Variants in MAP2K5 observed in about 807,000 individuals in gnomAD.
MAP2K5 encodes mitogen-activated protein kinase kinase 5, also known as dual specificity mitogen-activated protein kinase kinase 5.
In MAP2K5, 49 loss-of-function variants were observed where a neutral mutation model predicts 83.1. That is an observed-to-expected ratio of 0.59 (90% CI 0.47 to 0.75). The LOEUF is 0.75. MAP2K5 is among the 30% of genes least tolerant of loss of function. MAP2K5 has a pLI of 0.00. For synonymous variants in MAP2K5, 202 were observed against 191.8 expected (o/e 1.05, Z -0.44); for missense variants, 457 against 557.5 (o/e 0.82, Z 1.82).
At chr15:67,699,660 A>G (rs776963308) in intron 15 of MAP2K5, among the ~76,000 whole-genome samples, 1 of 152,158 alleles carries the variant, frequency 6.6e-6, no homozygotes, top group Non-Finnish European at 1.5e-5. Context: ...AAGGGGAAAA[A>G]CTAGCAAGCA....
At chr15:67,566,088 G>A (rs1232673671) in intron 3 of MAP2K5, among the ~76,000 whole-genome samples, 2 of 152,208 alleles carry the variant, frequency 1.3e-5, no homozygotes, top group Non-Finnish European at 2.9e-5. Flanking sequence ...TTGAGTCCAG[G>A]ATTTCGTATA....
chr15:67,640,608 T>C lies in MAP2K5; in HGVS notation c.586-5623T>C. On this transcript the variant is annotated intron_variant, in intron 9 of 21. Transcript: ENST00000178640. This position sits in a 1 kb window ranked among gnomAD's most constrained non-coding sequence, Gnocchi z 4.6. ...GCATGGAATGATGAGGGAAATTTAA[T>C]TTTCCAAGCAAAGTGGTCAGTTGGA... The C allele has an allele frequency of 1.0e-6, 1 of 985,258 alleles. No homozygotes were observed. Among genetic ancestry groups the C allele is most frequent in the Non-Finnish European group, 1.2e-6 (1 of 829,788 alleles). 61.0% of individuals were successfully genotyped at this position (985,258 alleles called of 1,614,324 possible).
chr15:67,693,642 T>C (rs1596807495), intron 15 of MAP2K5, 74 bp downstream of exon 15: 1 of 1,094,826 alleles, frequency 9.1e-7, no homozygotes, highest in East Asian at 2.4e-5. Flanking sequence ...TGTATAATTC[T>C]TGAATTAATT....
chr15:67,753,530 AG>A (rs2089767959), intron 19 of MAP2K5, among the ~76,000 whole-genome samples: 1 of 152,240 alleles, frequency 6.6e-6, no homozygotes, highest in Non-Finnish European at 1.5e-5. Context: ...AAATGGGGAG[AG>A]GATTTAAATA....
intron 7 of MAP2K5, among the ~76,000 whole-genome samples, chr15:67,595,739 TAAATC>T (rs946962899): frequency 5.9e-5 from 9 of 152,276 alleles, no homozygotes; most frequent in Admixed American, 5.2e-4. Flanking sequence ...CTTAAAAAAA[TAAATC>T]AGAAGATATT....
intron 5 of MAP2K5, 55 bp downstream of exon 5, chr15:67,585,985 T>C: frequency 6.8e-7 from 1 of 1,468,862 alleles, no homozygotes. Flanking sequence ...AATGCTGTGT[T>C]CCACTTATTG....
chr15:67,618,158 T>C (rs1371059028), intron 8 of MAP2K5, among the ~76,000 whole-genome samples: 3 of 152,232 alleles, frequency 2.0e-5, no homozygotes, highest in Non-Finnish European at 4.4e-5. Context: ...GTAAATAATA[T>C]AATCAGTTGG....
rs2088845867 is a variant in MAP2K5, at chr15:67,717,142, A to G, written c.1045-10774A>G. On this transcript the variant is annotated intron_variant, in intron 16 of 21. Transcript: ENST00000178640. The surrounding 1 kb of genome is among the most constrained non-coding windows in gnomAD (Gnocchi z 4.1). Reference sequence around the variant, plus strand: ...TAAATGGAACTGAGCAGGAAATCAGATAAAGGAAAAGACAGGTTAACTGTG... The same window carrying G: ...TAAATGGAACTGAGCAGGAAATCAGGTAAAGGAAAAGACAGGTTAACTGTG... Among the ~76,000 whole-genome samples, 1 of 152,220 alleles carries G rather than the reference A, an allele frequency of 6.6e-6. No homozygotes were observed. The highest frequency in any genetic ancestry group is 1.5e-5 in the Non-Finnish European group (1 of 68,032).
Position 67,779,179 on chromosome 15 carries a change from G to A in MAP2K5, c.1242+6427G>A, listed in dbSNP as rs563800797. On this transcript the variant is annotated intron_variant, in intron 21 of 21. Transcript: ENST00000178640. The surrounding 1 kb of genome is among the most constrained non-coding windows in gnomAD (Gnocchi z 4.6). ...CAAAAGTCATCACAACAGCAAGGGG[G>A]CCCCACGTAGGGTCCAGCTGACAAC... is the stretch of plus-strand genomic sequence containing the variant. Among the ~76,000 whole-genome samples, 84 of 152,140 alleles carry A rather than the reference G, an allele frequency of 5.5e-4. No individual in the cohort carries two copies. Among genetic ancestry groups the A allele is most frequent in the Non-Finnish European group, 1.0e-3 (71 of 68,044 alleles).
chr15:67,648,627 C>T (rs987871577), intron 11 of MAP2K5, among the ~76,000 whole-genome samples: 4 of 150,834 alleles, frequency 2.7e-5, no homozygotes, highest in African/African-American at 9.8e-5. Flanking sequence ...GGCTGGAGTG[C>T]AGTGGGGTGA....
intron 8 of MAP2K5, among the ~76,000 whole-genome samples, chr15:67,607,621 T>C (rs1293554478): frequency 6.6e-6 from 1 of 152,214 alleles, no homozygotes; most frequent in Non-Finnish European, 1.5e-5. Flanking sequence ...AATAGTTTAT[T>C]GAGATTGAAG....
At chr15:67,651,339 A>G (rs1353979743) in intron 11 of MAP2K5, among the ~76,000 whole-genome samples, 1 of 152,250 alleles carries the variant, frequency 6.6e-6, no homozygotes. Context: ...TAATGGAGAT[A>G]TGTATGACCA....
intron 2 of MAP2K5, among the ~76,000 whole-genome samples, chr15:67,560,740 GATCTTTTTCTTCTGAAATA>G (rs2084718778): frequency 6.6e-6 from 1 of 152,174 alleles, no homozygotes; most frequent in Admixed American, 6.5e-5. Flanking sequence ...TTCTTTCACA[GATCTTTTTCTTCTGAAATA>G]ATCCCTCAAG....
Position 67,720,043 on chromosome 15 carries a change from T to A in MAP2K5, c.1045-7873T>A, listed in dbSNP as rs1048578826. 3.9e-5 allele frequency among the ~76,000 whole-genome samples: 6 copies of A among 152,150 alleles called. No individual in the cohort carries two copies. Among genetic ancestry groups the A allele is most frequent in the Admixed American group, 3.3e-4 (5 of 15,268 alleles). On this transcript the variant is annotated intron_variant, in intron 16 of 21. Coordinates refer to ENST00000178640, the MANE Select transcript of MAP2K5 (RefSeq NM_145160.3). The surrounding 1 kb of genome is among the most constrained non-coding windows in gnomAD (Gnocchi z 5.7). ...AAATCAACATGGAACGGTTAAAGTG[T>A]CTGTAAAGCTACAAAAGTGGGCATT...
At chr15:67,649,912 T>C (rs1442742865) in intron 11 of MAP2K5, among the ~76,000 whole-genome samples, 2 of 152,232 alleles carry the variant, frequency 1.3e-5, no homozygotes, top group East Asian at 1.9e-4. Context: ...AAGAATTGAA[T>C]TGAATTTTTA....
intron 13 of MAP2K5, among the ~76,000 whole-genome samples, chr15:67,674,330 AC>A (rs1324752876): frequency 3.5e-4 from 54 of 152,304 alleles, no homozygotes; most frequent in African/African-American, 1.3e-3. Context: ...TTTATGTTAT[AC>A]AAGTGCTAGT....
chr15:67,665,159 G>A lies in MAP2K5; in HGVS notation c.847+514G>A, dbSNP rs2087344967. Among the ~76,000 whole-genome samples, 1 of 152,158 alleles carries A rather than the reference G, an allele frequency of 6.6e-6. No homozygotes were observed. ...GGCCTCCCAGAGTGCTAGGATTCAG[G>A]CGGGAGCCACCGCGCCTGGCCAAAA... On this transcript the variant is annotated intron_variant, in intron 13 of 21. Transcript: ENST00000178640. The surrounding 1 kb of genome is among the most constrained non-coding windows in gnomAD (Gnocchi z 4.2).
chr15:67,674,099 G>A (rs1233884606), intron 13 of MAP2K5, among the ~76,000 whole-genome samples: 1 of 152,032 alleles, frequency 6.6e-6, no homozygotes, highest in East Asian at 1.9e-4. Flanking sequence ...CACCCGTCTC[G>A]GCCTCCCAAA....
intron 17 of MAP2K5, among the ~76,000 whole-genome samples, chr15:67,737,051 T>C (rs1200069808): frequency 6.6e-6 from 1 of 152,232 alleles, no homozygotes; most frequent in African/African-American, 2.4e-5. Context: ...GTCTTTTTAC[T>C]TTAGAGGGAT....
Sources: gnomAD v4.1 joint callset for allele counts (sites outside exome capture counted in the v4.1 genomes callset) on GRCh38, gnomAD v4.1.1 for gene constraint, Gnocchi (gnomAD v3.1) non-coding constraint, MANE v1.5 for transcripts, NCBI Gene and HGNC (gene_info 2026-07-23, HGNC 2026-07-21) for gene names.